METTL15: variants seen among roughly 807,000 people sequenced by gnomAD.
METTL15 encodes the protein methyltransferase 15, mitochondrial 12S rRNA N4-cytidine, also known as 12S rRNA N(4)-cytidine methyltransferase METTL15.
A neutral mutation model predicts 38.3 loss-of-function variants in METTL15; 34 were observed. That is an observed-to-expected ratio of 0.89 (90% CI 0.68 to 1.18). The LOEUF is 1.18. Ranked by LOEUF, METTL15 falls within the 50% of genes most tolerant of loss-of-function variation. The pLI is 0.00. For missense variants in METTL15, 438 were observed against 498.4 expected (o/e 0.88, Z 1.15); for synonymous variants, 162 against 170.9 (o/e 0.95, Z 0.41).
intron 6 of METTL15, among the ~76,000 whole-genome samples, chr11:28,460,828 C>T (rs1462384846): frequency 6.6e-6 from 1 of 151,994 alleles, no homozygotes; most frequent in Admixed American, 6.6e-5. Context: ...TTAAGAGGTG[C>T]AGCAGGCTCC....
intron 4 of METTL15, among the ~76,000 whole-genome samples, chr11:28,278,548 C>T (rs962453125): frequency 6.6e-6 from 1 of 152,034 alleles, no homozygotes; most frequent in Admixed American, 6.6e-5. Flanking sequence ...AGGGTCTTGG[C>T]GTAAATCTAA....
At chr11:28,245,109 A>G (rs1442232086) in intron 4 of METTL15, among the ~76,000 whole-genome samples, 1 of 152,216 alleles carries the variant, frequency 6.6e-6, no homozygotes, top group Non-Finnish European at 1.5e-5. Flanking sequence ...TTTGGGCTGT[A>G]TCCGTTGGGA....
intron 4 of METTL15, among the ~76,000 whole-genome samples, chr11:28,245,475 T>C (rs1208150349): frequency 6.6e-6 from 1 of 151,758 alleles, no homozygotes; most frequent in Non-Finnish European, 1.5e-5. Flanking sequence ...CAAAGCTTGA[T>C]TTTTTTAGTG....
At chr11:28,239,584 A>C (rs1012245770) in intron 4 of METTL15, among the ~76,000 whole-genome samples, 5 of 152,076 alleles carry the variant, frequency 3.3e-5, no homozygotes, top group Non-Finnish European at 7.4e-5. Context: ...CTTAAAAGCA[A>C]ATTAGATCAT....
In METTL15 at chr11:28,318,428, T is replaced by C. The variant is rs907782903; in HGVS notation, c.779-11968T>C. Among the ~76,000 whole-genome samples, 6 of 152,004 alleles carry C rather than the reference T, an allele frequency of 3.9e-5. No homozygotes were observed. The East Asian group carries it at 9.7e-4, about 24-fold the overall frequency. ...AAGACAGCACATTAGTGAGTATTAATTGATGTAAAGTACAAGAAGAGGGAG... is the reference window on the plus strand; with the variant it reads ...AAGACAGCACATTAGTGAGTATTAACTGATGTAAAGTACAAGAAGAGGGAG... On this transcript the variant is annotated intron_variant, in intron 6 of 6. Transcript: ENST00000407364.
chr11:28,167,359 A>G (rs1286780303), intron 3 of METTL15, among the ~76,000 whole-genome samples: 1 of 152,186 alleles, frequency 6.6e-6, no homozygotes, highest in Non-Finnish European at 1.5e-5. Context: ...AATCAAGGAA[A>G]GCTCAGCAGT....
chr11:28,161,235 TACTC>T (rs1284874332), intron 3 of METTL15, among the ~76,000 whole-genome samples: 1 of 151,294 alleles, frequency 6.6e-6, no homozygotes, highest in East Asian at 1.9e-4. Context: ...TGATTCTCCT[TACTC>T]AGCCTCCCAA....
At chr11:28,191,626 G>A (rs1361837790) in intron 3 of METTL15, among the ~76,000 whole-genome samples, 1 of 151,446 alleles carries the variant, frequency 6.6e-6, no homozygotes, top group African/African-American at 2.4e-5. Context: ...GTCTAATTAT[G>A]AACTCCAAGT....
chr11:28,328,755 A>T (rs1849720212), intron 6 of METTL15, among the ~76,000 whole-genome samples: 1 of 152,114 alleles, frequency 6.6e-6, no homozygotes, highest in Non-Finnish European at 1.5e-5. Context: ...TATCTCAATT[A>T]TTGAAGTAGA....
At chr11:28,217,482 CA>C (rs1565175251) in intron 4 of METTL15, among the ~76,000 whole-genome samples, 1 of 152,074 alleles carries the variant, frequency 6.6e-6, no homozygotes, top group Non-Finnish European at 1.5e-5. Context: ...GAGTAGGTTG[CA>C]AAAATTTTCT....
chr11:28,160,100 C>G (rs1346224036), intron 3 of METTL15, among the ~76,000 whole-genome samples: 1 of 152,142 alleles, frequency 6.6e-6, no homozygotes, highest in East Asian at 1.9e-4. Context: ...AAGAGACTGG[C>G]CTAGCCTCCC....
At chr11:28,479,561 A>G (rs940270697) in intron 6 of METTL15, among the ~76,000 whole-genome samples, 1 of 152,192 alleles carries the variant, frequency 6.6e-6, no homozygotes, top group Non-Finnish European at 1.5e-5. Context: ...GTTTTGTAGT[A>G]ATCCTGATAT....
At chr11:28,416,085 T>A (rs1436001951) in intron 5 of METTL15, among the ~76,000 whole-genome samples, 6 of 152,242 alleles carry the variant, frequency 3.9e-5, no homozygotes, top group Non-Finnish European at 8.8e-5. Flanking sequence ...CCAGATTGAC[T>A]TTACAATAGA....
At chr11:28,165,723 A>T (rs2133751904) in intron 3 of METTL15, among the ~76,000 whole-genome samples, 1 of 149,776 alleles carries the variant, frequency 6.7e-6, no homozygotes, top group East Asian at 2.0e-4. Context: ...TAAAAAAAAA[A>T]TTGCTTGGAT....
intron 6 of METTL15, among the ~76,000 whole-genome samples, chr11:28,450,277 G>A (rs1433908789): frequency 6.6e-6 from 1 of 152,146 alleles, no homozygotes; most frequent in Non-Finnish European, 1.5e-5. Flanking sequence ...TAACATTTTT[G>A]TTTCCATTTA....
chr11:28,221,348 C>T (rs1198645242), intron 4 of METTL15, among the ~76,000 whole-genome samples: 1 of 152,178 alleles, frequency 6.6e-6, no homozygotes, highest in Admixed American at 6.5e-5. Context: ...TCCAGTTGAT[C>T]GAATCGGCTA....
At chr11:28,493,625 A>G (rs752670857) in intron 6 of METTL15, among the ~76,000 whole-genome samples, 3 of 152,186 alleles carry the variant, frequency 2.0e-5, no homozygotes, top group Non-Finnish European at 2.9e-5. Context: ...AAAAACATCA[A>G]TTCACTTGCT....
At position 28,332,016 on chromosome 11, in the gene METTL15, A is replaced by G. The variant is rs1204394443; in HGVS notation, c.*1175A>G. The G allele has an allele frequency of 1.3e-5, 2 of 152,178 alleles. No individual in the cohort carries two copies. Among genetic ancestry groups the G allele is most frequent in the South Asian group, 2.1e-4 (1 of 4,828 alleles). The allele number at this position is 152,178 out of a possible 1,614,324, so 9.4% of individuals were successfully genotyped here. A position where few individuals can be genotyped will look rare whatever the true frequency, so the allele number is the denominator to read the frequency against. On this transcript the variant is annotated 3_prime_UTR_variant, in exon 7 of 7. Transcript: ENST00000407364. ...AAATACAGAAAAAAGATTCTCCATT[A>G]TAGTTACAAATTTTAGGTTGGTGAA...
At chr11:28,383,543 C>T (rs1033910783) in intron 5 of METTL15, among the ~76,000 whole-genome samples, 3 of 152,154 alleles carry the variant, frequency 2.0e-5, no homozygotes, top group African/African-American at 7.2e-5. Flanking sequence ...AATTGCCACA[C>T]TGCTTTTTAC....
Sources: allele counts gnomAD v4.1 joint callset (sites outside exome capture counted in the v4.1 genomes callset), GRCh38; gene constraint gnomAD v4.1.1; transcripts MANE v1.5; gene names NCBI Gene and HGNC (gene_info 2026-07-23, HGNC 2026-07-21).